Variants in MYB observed in about 807,000 individuals in gnomAD.
The protein encoded by MYB is MYB proto-oncogene, transcription factor, also known as transcriptional activator Myb.
Under a neutral mutation model 92.9 loss-of-function variants are expected in MYB, and 28 were observed. That is an observed-to-expected ratio of 0.30 (90% CI 0.22 to 0.41). The LOEUF (loss-of-function observed/expected upper bound fraction) is 0.41, where lower values mean the gene tolerates loss of function less well. Ranked by LOEUF, MYB falls within the 10% of genes least tolerant of loss-of-function variation. The probability of loss-of-function intolerance (pLI) is 1.00; values close to 1 mark genes in which losing one functional copy is unlikely to be tolerated. For synonymous variants in MYB, 295 were observed against 329.1 expected, an observed-to-expected ratio of 0.90 and a Z score of 1.12; for missense variants, 679 against 929.3, an observed-to-expected ratio of 0.73 and a Z score of 3.50.
intron 2 of MYB, among the ~76,000 whole-genome samples, chr6:135,186,990 C>T (rs1470286875): frequency 6.6e-6 from 1 of 152,136 alleles, no homozygotes; most frequent in Non-Finnish European, 1.5e-5. Flanking sequence ...CATATTTTAC[C>T]TATTAAGATT....
Position 135,203,288 on chromosome 6 carries a change from A to G in MYB, c.2133A>G (p.Thr711=), listed in dbSNP as rs368864515. 6.2e-7 allele frequency: 1 copy of G among 1,610,148 alleles called. No homozygotes were observed. Among genetic ancestry groups the G allele is most frequent in the African/African-American group, 1.3e-5 (1 of 74,840 alleles). ...EDEDNVLKAF[T]VPKNRSLASP... ...AAGACAATGTTCTCAAAGCATTTAC[A>G]GTACCTAAAAACAGGTCCCTGGCGA... is the stretch of plus-strand genomic sequence containing the variant. The change falls in exon 15 of 16, where the codon ACA becomes ACG. Residue 711 remains threonine, a synonymous_variant. Transcript: ENST00000341911.
intron 9 of MYB, chr6:135,196,676 G>A (rs17064291): frequency 0.017 from 20,575 of 1,239,610 alleles, 819 homozygotes; most frequent in African/African-American, 0.14. Context: ...GACCATTGCC[G>A]TAATATGCCA....
rs210963 is a variant in MYB at position 135,182,558 on chromosome 6, A to T, written c.23+1022A>T. ...CGAAAGGTCCCTGCGCGGCGCGCAC[A>T]CGTGGATGCGGCTGAGGTCGCCGCG... On this transcript the variant is annotated intron_variant, in intron 1 of 15. Coordinates refer to ENST00000341911, the MANE Select transcript of MYB (RefSeq NM_001130173.2). This position sits in a 1 kb window ranked among gnomAD's most constrained non-coding sequence, Gnocchi z 5.6. 6.6e-6 allele frequency among the ~76,000 whole-genome samples: 1 copy of T among 152,258 alleles called. No homozygotes were observed. The highest frequency in any genetic ancestry group is 2.1e-4 in the South Asian group (1 of 4,834).
At chr6:135,184,322 C>CTTTTTTTTTTTTTTTTTTTTTTTTTTT in intron 1 of MYB, among the ~76,000 whole-genome samples, 3 of 68,400 alleles carry the variant, frequency 4.4e-5, no homozygotes, top group Middle Eastern at 9.8e-3. Context: ...GGCTTTATAG[C>CTTTTTTTTTTTTTTTTTTTTTTTTTTT]TTTTTTTTTT....
rs1028164872 is a variant in MYB at position 135,182,388 on chromosome 6, G to C, written c.23+852G>C. ...CCTCTGGACTTTCCCAGCAGCACACGCCGGGGCTCCCTGCGAGCGGCGGGT... is the reference window on the plus strand; with the variant it reads ...CCTCTGGACTTTCCCAGCAGCACACCCCGGGGCTCCCTGCGAGCGGCGGGT... On this transcript the variant is annotated intron_variant, in intron 1 of 15. Coordinates refer to ENST00000341911, the MANE Select transcript of MYB (RefSeq NM_001130173.2). The surrounding 1 kb of genome is among the most constrained non-coding windows in gnomAD (Gnocchi z 5.6). Among the ~76,000 whole-genome samples, 3 of 152,198 alleles carry C rather than the reference G, an allele frequency of 2.0e-5. No individual in the cohort carries two copies. Among genetic ancestry groups the C allele is most frequent in the Non-Finnish European group, 4.4e-5 (3 of 68,024 alleles).
intron 8 of MYB, chr6:135,194,691 T>G (rs1374431236): frequency 5.3e-6 from 3 of 565,846 alleles, no homozygotes; most frequent in Non-Finnish European, 9.2e-6. Flanking sequence ...CACTTATGAT[T>G]GTTATCATCA....
At chr6:135,211,130 T>A (rs12530466) in intron 15 of MYB, among the ~76,000 whole-genome samples, 2,891 of 150,316 alleles carry the variant, frequency 0.019, 36 homozygotes, top group Middle Eastern at 0.054. Context: ...GTGTTGTCAT[T>A]TAAACAGACA....
intron 14 of MYB, chr6:135,202,986 G>T (rs556406009): frequency 8.6e-6 from 6 of 699,228 alleles, no homozygotes; most frequent in Non-Finnish European, 1.3e-5. Flanking sequence ...AGAACTCTGG[G>T]ATCCCAAAGG....
intron 10 of MYB, 78 bp downstream of exon 10, chr6:135,197,401 C>T (rs554862090): frequency 1.0e-4 from 130 of 1,253,466 alleles, no homozygotes; most frequent in Non-Finnish European, 1.3e-4. Context: ...ACTAATACTT[C>T]GGAACAAATG....
intron 15 of MYB, chr6:135,203,844 G>A: frequency 8.0e-7 from 1 of 1,250,740 alleles, no homozygotes; most frequent in South Asian, 1.4e-5. Context: ...CCGATCTGAA[G>A]TTGACCATCT....
At chr6:135,195,353 T>TGGTCG in intron 8 of MYB, 1 of 139,838 alleles carries the variant, frequency 7.2e-6, no homozygotes. Context: ...AACTCCTGAG[T>TGGTCG]CCTCTAGCTT....
chr6:135,191,700 A>G (rs1025594070), intron 5 of MYB, among the ~76,000 whole-genome samples: 2 of 152,240 alleles, frequency 1.3e-5, no homozygotes, highest in African/African-American at 4.8e-5. Context: ...GACTTTAGTA[A>G]AAATGCGTTG....
chr6:135,192,948 G>T (rs993386391), intron 6 of MYB, among the ~76,000 whole-genome samples: 2 of 152,226 alleles, frequency 1.3e-5, no homozygotes, highest in Non-Finnish European at 2.9e-5. Context: ...CTTCCAAAAC[G>T]AAAAGGGAAG....
intron 2 of MYB, among the ~76,000 whole-genome samples, chr6:135,186,256 T>C (rs6922903): frequency 0.15 from 22,768 of 152,174 alleles, 1,946 homozygotes; most frequent in African/African-American, 0.23. Context: ...GTGTTTCCTT[T>C]TGCCTGTTGA....
intron 15 of MYB, among the ~76,000 whole-genome samples, chr6:135,209,350 C>T (rs1162445277): frequency 6.6e-6 from 1 of 152,222 alleles, no homozygotes; most frequent in Non-Finnish European, 1.5e-5. Flanking sequence ...TCTCCTGCCT[C>T]AGTTTCCCAA....
chr6:135,206,259 G>T (rs1427967806), intron 15 of MYB, among the ~76,000 whole-genome samples: 1 of 149,686 alleles, frequency 6.7e-6, no homozygotes, highest in South Asian at 2.1e-4. Context: ...TTAGCTGGGT[G>T]TAGTGGTACA....
chr6:135,183,962 G>A (rs1775540380), intron 1 of MYB, among the ~76,000 whole-genome samples: 1 of 152,188 alleles, frequency 6.6e-6, no homozygotes, highest in South Asian at 2.1e-4. Flanking sequence ...GCTAGGTGGA[G>A]GCTAGACTAG....
At chr6:135,187,201 T>G (rs1776035270) in intron 2 of MYB, among the ~76,000 whole-genome samples, 1 of 152,240 alleles carries the variant, frequency 6.6e-6, no homozygotes, top group African/African-American at 2.4e-5. Context: ...TAGCTGGAAA[T>G]GTTTAATGTC....
chr6:135,206,220 AAAAAAAATAAT>A (rs1400646744), intron 15 of MYB, among the ~76,000 whole-genome samples: 2 of 141,880 alleles, frequency 1.4e-5, no homozygotes, highest in South Asian at 4.5e-4. Context: ...AAAAAAAAAA[AAAAAAAATAAT>A]AATAATAATA....
Sources: allele counts gnomAD v4.1 joint callset (sites outside exome capture counted in the v4.1 genomes callset), GRCh38; gene constraint gnomAD v4.1.1; non-coding constraint Gnocchi (gnomAD v3.1); transcripts MANE v1.5; gene names NCBI Gene and HGNC (gene_info 2026-07-23, HGNC 2026-07-21).